LMNTD1: variants seen among roughly 807,000 people sequenced by gnomAD.
The protein encoded by LMNTD1 is lamin tail domain containing 1, also known as lamin tail domain-containing protein 1.
In LMNTD1, 35 loss-of-function variants were observed where a neutral mutation model predicts 50.9. That is an observed-to-expected ratio of 0.69 (90% CI 0.53 to 0.91). LMNTD1 has a LOEUF of 0.91. LMNTD1 is among the 40% of genes least tolerant of loss of function. The probability of loss-of-function intolerance (pLI) is 0.00; values close to 1 mark genes in which losing one functional copy is unlikely to be tolerated. For missense variants in LMNTD1, 470 were observed against 475.5 expected, an observed-to-expected ratio of 0.99 and a Z score of 0.11; for synonymous variants, 153 against 161.9, an observed-to-expected ratio of 0.94 and a Z score of 0.42.
In LMNTD1 at chr12:25,515,408, T is replaced by G. The variant is rs181001439; in HGVS notation, c.1189+3387A>C. 6.3e-3 allele frequency among the ~76,000 whole-genome samples: 959 copies of G among 152,090 alleles called. 17 individuals carry two copies. Among genetic ancestry groups the G allele is most frequent in the African/African-American group, 0.022 (915 of 41,540 alleles). ...AAAAGAGCTGGCACATTTAGCATGA[T>G]GCCATTTATGTAAATTAAAAATACA... On this transcript the variant is annotated intron_variant, in intron 8 of 9. Coordinates refer to ENST00000458174, the MANE Select transcript of LMNTD1 (RefSeq NM_001145728.2).
intron 1 of LMNTD1, among the ~76,000 whole-genome samples, chr12:25,605,605 T>C (rs1946081047): frequency 6.6e-6 from 1 of 152,216 alleles, no homozygotes; most frequent in East Asian, 1.9e-4. Context: ...AGGGAATCCT[T>C]TCCCCATTGC....
chr12:25,500,282 C>T (rs1939312820), intron 9 of LMNTD1, among the ~76,000 whole-genome samples: 1 of 152,130 alleles, frequency 6.6e-6, no homozygotes, highest in African/African-American at 2.4e-5. Context: ...ATATTAGTCC[C>T]TCTCTCTGGG....
At chr12:25,537,754 T>C (rs1942715336) in intron 4 of LMNTD1, among the ~76,000 whole-genome samples, 2 of 152,178 alleles carry the variant, frequency 1.3e-5, no homozygotes, top group African/African-American at 2.4e-5. Context: ...AGAAGAAGGC[T>C]TCAGATGATC....
At chr12:25,524,561 G>A (rs936082004) in intron 6 of LMNTD1, among the ~76,000 whole-genome samples, 5 of 152,202 alleles carry the variant, frequency 3.3e-5, no homozygotes, top group African/African-American at 4.8e-5. Context: ...GACCTGGTCT[G>A]TCTGGTTCAA....
chr12:25,568,954 C>CA (rs1483075122), intron 1 of LMNTD1, among the ~76,000 whole-genome samples: 1 of 152,328 alleles, frequency 6.6e-6, no homozygotes, highest in East Asian at 1.9e-4. Flanking sequence ...AGGGCAACAC[C>CA]AAGGGGAAAT....
intron 1 of LMNTD1, among the ~76,000 whole-genome samples, chr12:25,604,993 A>G (rs1169498309): frequency 1.3e-5 from 2 of 152,252 alleles, no homozygotes; most frequent in African/African-American, 2.4e-5. Flanking sequence ...ATTTCTCCAC[A>G]TCCTCTCCAG....
At chr12:25,515,523 C>T (rs1940691132) in intron 8 of LMNTD1, among the ~76,000 whole-genome samples, 1 of 151,946 alleles carries the variant, frequency 6.6e-6, no homozygotes, top group African/African-American at 2.4e-5. Flanking sequence ...AATATCAGAT[C>T]AGAACTGCAA....
chr12:25,509,732 A>G (rs923752615), intron 8 of LMNTD1, among the ~76,000 whole-genome samples: 6 of 152,218 alleles, frequency 3.9e-5, no homozygotes, highest in African/African-American at 9.6e-5. Context: ...TGACATTCTT[A>G]TAAAGAAGAG....
chr12:25,520,336 T>C (rs1298596402), intron 6 of LMNTD1, among the ~76,000 whole-genome samples: 1 of 151,966 alleles, frequency 6.6e-6, no homozygotes, highest in Non-Finnish European at 1.5e-5. Flanking sequence ...GACTTCATCC[T>C]ACAAATCTCT....
chr12:25,534,630 A>G (rs1433751000), intron 4 of LMNTD1, among the ~76,000 whole-genome samples: 2 of 152,174 alleles, frequency 1.3e-5, no homozygotes, highest in East Asian at 3.8e-4. Context: ...TGATCAGCAC[A>G]TGTATTTGAG....
intron 1 of LMNTD1, among the ~76,000 whole-genome samples, chr12:25,623,212 G>A (rs1946514539): frequency 6.6e-6 from 1 of 151,786 alleles, no homozygotes; most frequent in Non-Finnish European, 1.5e-5. Flanking sequence ...GTACAGTCAG[G>A]GCTGGTCATC....
Position 25,604,705 on chromosome 12 carries a change from C to T in LMNTD1, c.58+43789G>A, listed in dbSNP as rs919992101. The stretch of plus-strand genomic sequence containing the variant: ...ATCATTTTTTATGGCTGCATAGTAT[C>T]CCATGGTGTATATGTGCCATATTTT... On this transcript the variant is annotated intron_variant, in intron 1 of 7. Coordinates refer to the LMNTD1 transcript ENST00000445693. Among the ~76,000 whole-genome samples the T allele has an allele frequency of 2.0e-5, 3 of 152,112 alleles. No individual in the cohort carries two copies. In the South Asian group the frequency reaches 6.2e-4, roughly 32 times the overall value.
chr12:25,518,834 G>T lies in LMNTD1; in HGVS notation c.1150C>A (p.Gln384Lys). ...TSTAGGRLDR[Q>K]PRTRSTRPNR... is the part of the protein sequence containing the mutation. Reference sequence around the variant, plus strand: ...GGTCTGGTTGACCGAGTCCTGGGCTGTCTATCCAATCTGCCTCCAGCGGTG... The same window carrying T: ...GGTCTGGTTGACCGAGTCCTGGGCTTTCTATCCAATCTGCCTCCAGCGGTG... The change falls in exon 8 of 10, where the codon CAG becomes AAG. Residue 384 changes from glutamine (Q) to lysine (K), a missense_variant. Physicochemically the swap from Gln to Lys is moderately conservative, Grantham distance 53. Coordinates refer to ENST00000458174, the MANE Select transcript of LMNTD1 (RefSeq NM_001145728.2). 6.2e-7 allele frequency: 1 copy of T among 1,614,140 alleles called. No individual in the cohort carries two copies. Among genetic ancestry groups the T allele is most frequent in the Non-Finnish European group, 8.5e-7 (1 of 1,180,026 alleles).
At chr12:25,614,015 G>A (rs550258175) in intron 1 of LMNTD1, among the ~76,000 whole-genome samples, 2 of 152,080 alleles carry the variant, frequency 1.3e-5, no homozygotes, top group East Asian at 1.9e-4. Flanking sequence ...GACAAAGGAA[G>A]AGAGTGGTTT....
intron 9 of LMNTD1, among the ~76,000 whole-genome samples, chr12:25,480,352 T>C (rs1300192748): frequency 6.6e-6 from 1 of 152,206 alleles, no homozygotes; most frequent in Non-Finnish European, 1.5e-5. Context: ...TTTCCAGTGC[T>C]GAAAGTAGTG....
intron 9 of LMNTD1, among the ~76,000 whole-genome samples, chr12:25,499,355 A>T (rs1200384557): frequency 6.6e-6 from 1 of 152,156 alleles, no homozygotes; most frequent in Non-Finnish European, 1.5e-5. Flanking sequence ...GTGCCCAGCC[A>T]TGGGAGGAAA....
At chr12:25,519,630 C>G (rs1454274048) in intron 7 of LMNTD1, among the ~76,000 whole-genome samples, 1 of 141,510 alleles carries the variant, frequency 7.1e-6, no homozygotes, top group Non-Finnish European at 1.5e-5. Context: ...AGAGGGGTCT[C>G]AATACTACCT....
intron 8 of LMNTD1, among the ~76,000 whole-genome samples, chr12:25,506,973 G>A (rs901125161): frequency 5.9e-5 from 9 of 151,922 alleles, no homozygotes; most frequent in African/African-American, 1.7e-4. Flanking sequence ...TCCACCTCCC[G>A]GGTTCAAGCA....
At chr12:25,505,593 T>C (rs1320807882) in intron 8 of LMNTD1, among the ~76,000 whole-genome samples, 1 of 152,132 alleles carries the variant, frequency 6.6e-6, no homozygotes, top group Non-Finnish European at 1.5e-5. Flanking sequence ...AGAAAAATTA[T>C]TACTTTTGAA....
Sources: gnomAD v4.1 joint callset for allele counts (sites outside exome capture counted in the v4.1 genomes callset) on GRCh38, gnomAD v4.1.1 for gene constraint, MANE v1.5 for transcripts, NCBI Gene and HGNC (gene_info 2026-07-23, HGNC 2026-07-21) for gene names.